Variants in LGSN observed in about 807,000 individuals in gnomAD.
The protein encoded by LGSN is lengsin.
LGSN carries 21 observed loss-of-function variants against 19.5 expected under a neutral mutation model. The ratio of observed to expected loss-of-function variants is 1.07; its 90% CI spans 0.76 to 1.55. The LOEUF (loss-of-function observed/expected upper bound fraction) is 1.55, where lower values mean the gene tolerates loss of function less well. LGSN is among the 40% of genes most tolerant of loss of function. The pLI is 0.00. For missense variants in LGSN, 673 were observed against 608.5 expected, an observed-to-expected ratio of 1.11 and a Z score of -1.12; for synonymous variants, 257 against 215.6, an observed-to-expected ratio of 1.19 and a Z score of -1.68.
the LGSN span, among the ~76,000 whole-genome samples, chr6:63,435,486 G>A: frequency 6.6e-6 from 1 of 152,114 alleles, no homozygotes; most frequent in Non-Finnish European, 1.5e-5. Flanking sequence ...GAACTGAATG[G>A]TCGCATCTCT....
chr6:63,488,954 T>C, the LGSN span, among the ~76,000 whole-genome samples: 14 of 152,334 alleles, frequency 9.2e-5, no homozygotes, highest in Admixed American at 9.2e-4. Context: ...AGAATCTTTC[T>C]GGAAAGTCAC....
At chr6:63,390,365 G>C in the LGSN span, among the ~76,000 whole-genome samples, 2 of 151,074 alleles carry the variant, frequency 1.3e-5, no homozygotes, top group African/African-American at 4.9e-5. Flanking sequence ...CCTAACCTCA[G>C]GTGATCCACC....
upstream of LGSN, among the ~76,000 whole-genome samples, chr6:63,323,715 A>G (rs1197776101): frequency 1.3e-5 from 2 of 150,596 alleles, no homozygotes; most frequent in Non-Finnish European, 2.9e-5. Context: ...ATTTTCACAA[A>G]TTGCTCTAAT....
At chr6:63,475,916 C>T in the LGSN span, among the ~76,000 whole-genome samples, 1 of 152,090 alleles carries the variant, frequency 6.6e-6, no homozygotes. Flanking sequence ...CAAAGGCAGC[C>T]CTTCAGAGGA....
chr6:63,412,512 AAGAAAG>A, the LGSN span, among the ~76,000 whole-genome samples: 1 of 122,554 alleles, frequency 8.2e-6, no homozygotes, highest in South Asian at 2.7e-4. Context: ...GAAAGAAAGA[AAGAAAG>A]AAAGAAAGAA....
At chr6:63,416,267 T>G in the LGSN span, among the ~76,000 whole-genome samples, 1 of 152,126 alleles carries the variant, frequency 6.6e-6, no homozygotes, top group African/African-American at 2.4e-5. Flanking sequence ...CGGGCATACA[T>G]GTTTGAATTA....
At chr6:63,328,415 G>C in the LGSN span, among the ~76,000 whole-genome samples, 1 of 152,216 alleles carries the variant, frequency 6.6e-6, no homozygotes, top group Non-Finnish European at 1.5e-5. Context: ...AAGGAGTAGT[G>C]CCTGGTATCT....
the LGSN span, among the ~76,000 whole-genome samples, chr6:63,470,153 A>C: frequency 9.2e-5 from 14 of 151,932 alleles, no homozygotes; most frequent in Non-Finnish European, 1.5e-4. Flanking sequence ...GGAAGGAAGG[A>C]AGGCAGGCAG....
At chr6:63,366,037 G>A in the LGSN span, among the ~76,000 whole-genome samples, 2 of 152,138 alleles carry the variant, frequency 1.3e-5, no homozygotes, top group Non-Finnish European at 2.9e-5. Flanking sequence ...ACAAGACAGG[G>A]ATGCCCTCTC....
intron 1 of LGSN, among the ~76,000 whole-genome samples, chr6:63,315,730 T>C (rs973665543): frequency 5.3e-5 from 8 of 151,388 alleles, no homozygotes; most frequent in Non-Finnish European, 8.8e-5. Context: ...GAGGATCTGA[T>C]AAATGCAGCA....
chr6:63,456,301 A>G, the LGSN span, among the ~76,000 whole-genome samples: 2 of 143,282 alleles, frequency 1.4e-5, no homozygotes, highest in African/African-American at 2.6e-5. Flanking sequence ...TCTTCAGGGC[A>G]CCTTGAGTCT....
At chr6:63,452,557 T>C in the LGSN span, among the ~76,000 whole-genome samples, 12 of 152,218 alleles carry the variant, frequency 7.9e-5, no homozygotes, top group Non-Finnish European at 1.5e-4. Context: ...TTTTCAAATA[T>C]ATTGAAAAAA....
At chr6:63,364,752 C>A in the LGSN span, among the ~76,000 whole-genome samples, 1 of 152,248 alleles carries the variant, frequency 6.6e-6, no homozygotes, top group South Asian at 2.1e-4. Flanking sequence ...GACCACAGTG[C>A]AATCAAACTA....
the LGSN span, among the ~76,000 whole-genome samples, chr6:63,369,847 C>G: frequency 6.6e-6 from 1 of 151,992 alleles, no homozygotes; most frequent in Non-Finnish European, 1.5e-5. Context: ...TACTAAAATA[C>G]AAAAAATTTG....
the LGSN span, among the ~76,000 whole-genome samples, chr6:63,497,311 G>T: frequency 6.6e-6 from 1 of 152,084 alleles, no homozygotes; most frequent in African/African-American, 2.4e-5. Context: ...CACTTTGGGA[G>T]GCCAAGGCGG....
chr6:63,354,106 C>T, the LGSN span, among the ~76,000 whole-genome samples: 9 of 151,964 alleles, frequency 5.9e-5, no homozygotes, highest in Admixed American at 5.9e-4. Flanking sequence ...ATGGCTAAGA[C>T]CTCAAAAGTA....
chr6:63,420,003 AGACCATG>A, the LGSN span, among the ~76,000 whole-genome samples: 1 of 146,124 alleles, frequency 6.8e-6, no homozygotes, highest in Non-Finnish European at 1.5e-5. Flanking sequence ...CAGAAGATTG[AGACCATG>A]GCTAACACGG....
the LGSN span, among the ~76,000 whole-genome samples, chr6:63,459,353 G>C: frequency 1.3e-5 from 2 of 152,042 alleles, no homozygotes; most frequent in African/African-American, 4.8e-5. Context: ...TACGCCACAA[G>C]CTTACATGTC....
the LGSN span, among the ~76,000 whole-genome samples, chr6:63,544,839 T>C: frequency 6.6e-6 from 1 of 152,188 alleles, no homozygotes; most frequent in Non-Finnish European, 1.5e-5. Context: ...ACTGAAGATA[T>C]TAACTTTGGT....
Sources: allele counts gnomAD v4.1 joint callset (sites outside exome capture counted in the v4.1 genomes callset), GRCh38; gene constraint gnomAD v4.1.1; transcripts MANE v1.5; gene names NCBI Gene and HGNC (gene_info 2026-07-23, HGNC 2026-07-21).